CCSER1: variants seen among roughly 807,000 people sequenced by gnomAD.
CCSER1 encodes serine-rich coiled-coil domain-containing protein 1.
Under a neutral mutation model 82.0 loss-of-function variants are expected in CCSER1, and 41 were observed. The ratio of observed to expected loss-of-function variants is 0.50; its 90% confidence interval spans 0.39 to 0.65. CCSER1 has a LOEUF of 0.65. CCSER1 is among the 30% of genes least tolerant of loss of function. The pLI is 0.00. For missense variants in CCSER1, 1,119 were observed against 1,064.2 expected (o/e 1.05, Z -0.72); for synonymous variants, 414 against 383.9 (o/e 1.08, Z -0.92).
At chr4:91,196,154 T>A (rs1251957418) in intron 10 of CCSER1, among the ~76,000 whole-genome samples, 1 of 134,096 alleles carries the variant, frequency 7.5e-6, no homozygotes, top group Non-Finnish European at 1.5e-5. Flanking sequence ...TCCACAGCAG[T>A]CCGGCCTGGG....
intron 10 of CCSER1, among the ~76,000 whole-genome samples, chr4:91,435,568 C>T (rs555918390): frequency 1.6e-3 from 250 of 152,236 alleles, no homozygotes; most frequent in Non-Finnish European, 3.2e-3. Flanking sequence ...GAAAAGATTT[C>T]GGCACCATCT....
intron 3 of CCSER1, among the ~76,000 whole-genome samples, chr4:90,338,788 G>T (rs971634857): frequency 1.3e-5 from 2 of 152,160 alleles, no homozygotes; most frequent in African/African-American, 4.8e-5. Context: ...CTTTGTATAT[G>T]TTGTATTCTT....
chr4:90,916,457 C>A (rs62312312), intron 8 of CCSER1, among the ~76,000 whole-genome samples: 8,131 of 152,000 alleles, frequency 0.053, 321 homozygotes, highest in East Asian at 0.12. Context: ...AACTGGCTCG[C>A]CATATGGAGA....
intron 9 of CCSER1, among the ~76,000 whole-genome samples, chr4:90,955,774 C>T (rs1278212248): frequency 1.3e-5 from 2 of 152,234 alleles, no homozygotes; most frequent in East Asian, 1.9e-4. Context: ...GGTATTTGTA[C>T]TAGCTGTTTC....
Position 91,599,487 on chromosome 4 carries a change from T to C in CCSER1, c.*430T>C, listed in dbSNP as rs550850559. The C allele has an allele frequency of 2.6e-5, 4 of 152,398 alleles. No individual in the cohort carries two copies. The East Asian group carries it at 5.8e-4, about 22-fold the overall frequency. 9.4% of individuals were successfully genotyped at this position (152,398 alleles called of 1,614,324 possible). A position where few individuals can be genotyped will look rare whatever the true frequency, so the allele number is the denominator to read the frequency against. The stretch of plus-strand genomic sequence containing the variant: ...TAAAGGAATTATAAAGAATTTTAAA[T>C]TATATAATTAATAGAAGGAGGAAAA... On this transcript the variant is annotated 3_prime_UTR_variant, in exon 11 of 11. Coordinates refer to ENST00000509176, the MANE Select transcript of CCSER1 (RefSeq NM_001145065.2).
At chr4:91,558,771 C>T (rs895749912) in intron 10 of CCSER1, among the ~76,000 whole-genome samples, 1 of 151,506 alleles carries the variant, frequency 6.6e-6, no homozygotes. Context: ...GAAAGACTGG[C>T]CCCCATGGTT....
chr4:90,662,000 C>CTTTTTTTT lies in CCSER1; in HGVS notation c.1932+33777_1932+33784dup, dbSNP rs768964116. On this transcript the variant is annotated intron_variant, in intron 6 of 10. Coordinates refer to ENST00000509176, the MANE Select transcript of CCSER1 (RefSeq NM_001145065.2). ...TATACCACTCTTTGTTTCTTTCTTTCTTTTTTTTTTTTTTTTGAGACTTAG... is the reference window on the plus strand; with the variant it reads ...TATACCACTCTTTGTTTCTTTCTTTCTTTTTTTTTTTTTTTTTTTTTTTTGAGACTTAG... Among the ~76,000 whole-genome samples, 8 of 136,172 alleles carry CTTTTTTTT rather than the reference C, an allele frequency of 5.9e-5. 1 individual carries two copies. Among genetic ancestry groups the CTTTTTTTT allele is most frequent in the Admixed American group, 7.4e-5 (1 of 13,466 alleles). 89.3% of individuals were successfully genotyped at this position (136,172 alleles called of 152,430 possible).
intron 1 of CCSER1, among the ~76,000 whole-genome samples, chr4:90,173,532 G>A (rs1161733475): frequency 6.6e-6 from 1 of 151,840 alleles, no homozygotes; most frequent in South Asian, 2.1e-4. Context: ...TCCCAGATAA[G>A]TAGGAGCCTG....
rs959697965 is a variant in CCSER1 at position 90,830,177 on chromosome 4, G to A, written c.2094+14332G>A. On this transcript the variant is annotated intron_variant, in intron 8 of 10. Coordinates refer to ENST00000509176, the MANE Select transcript of CCSER1 (RefSeq NM_001145065.2). ...CCTGCTCCGCTCATGCTTAACTACA[G>A]CATAAAATGTTGAGAAGTATATGAA... Among the ~76,000 whole-genome samples, 8 of 152,256 alleles carry A rather than the reference G, an allele frequency of 5.3e-5. No homozygotes were observed. In the South Asian group the frequency reaches 1.5e-3, roughly 28 times the overall value.
intron 6 of CCSER1, among the ~76,000 whole-genome samples, chr4:90,717,138 G>A (rs763929817): frequency 2.0e-5 from 3 of 152,196 alleles, no homozygotes; most frequent in Admixed American, 6.6e-5. Flanking sequence ...TAAATAATGC[G>A]GCTTCTGTGC....
At chr4:90,528,454 A>T (rs934317877) in intron 5 of CCSER1, among the ~76,000 whole-genome samples, 1 of 152,272 alleles carries the variant, frequency 6.6e-6, no homozygotes. Flanking sequence ...AGAATTCTGG[A>T]CTTTGTGTTC....
At chr4:91,231,171 C>T (rs1046270342) in intron 10 of CCSER1, among the ~76,000 whole-genome samples, 2 of 151,832 alleles carry the variant, frequency 1.3e-5, no homozygotes, top group African/African-American at 4.8e-5. Context: ...GCATTAATCA[C>T]AATGGCATAC....
At chr4:90,324,696 T>C (rs550470595) in intron 3 of CCSER1, among the ~76,000 whole-genome samples, 1 of 152,278 alleles carries the variant, frequency 6.6e-6, no homozygotes, top group African/African-American at 2.4e-5. Flanking sequence ...TTGTCAATTT[T>C]GGCTTTTGTT....
chr4:90,496,067 T>G (rs971621475), intron 5 of CCSER1, among the ~76,000 whole-genome samples: 21 of 152,044 alleles, frequency 1.4e-4, no homozygotes, highest in African/African-American at 4.8e-4. Flanking sequence ...CATTACTTAT[T>G]TAATAGTGTA....
intron 10 of CCSER1, among the ~76,000 whole-genome samples, chr4:91,407,068 C>T (rs1163851192): frequency 6.6e-6 from 1 of 152,144 alleles, no homozygotes; most frequent in Non-Finnish European, 1.5e-5. Flanking sequence ...TCTTGCTTTG[C>T]TGCACACCTA....
chr4:91,014,981 T>C (rs529744007), intron 9 of CCSER1, among the ~76,000 whole-genome samples: 1 of 115,934 alleles, frequency 8.6e-6, no homozygotes, highest in Admixed American at 8.1e-5. Context: ...CTCTTCAAAA[T>C]TGTTTTTTTT....
At chr4:90,308,145 A>G in intron 1 of CCSER1, 99 bp from the exon 2 acceptor site, 2 of 930,908 alleles carry the variant, frequency 2.1e-6, no homozygotes, top group Non-Finnish European at 3.0e-6. Flanking sequence ...GTATAAACTA[A>G]ATTCTATTTT....
intron 10 of CCSER1, among the ~76,000 whole-genome samples, chr4:91,291,754 T>C (rs1743767550): frequency 6.6e-6 from 1 of 152,052 alleles, no homozygotes; most frequent in African/African-American, 2.4e-5. Flanking sequence ...CAATTTGCCA[T>C]GGGATTTGGC....
At chr4:90,878,038 T>A (rs1256396239) in intron 8 of CCSER1, among the ~76,000 whole-genome samples, 1 of 152,168 alleles carries the variant, frequency 6.6e-6, no homozygotes, top group African/African-American at 2.4e-5. Context: ...AGTTGCTGGC[T>A]TTTTGTGTTC....
Sources: allele counts gnomAD v4.1 joint callset (sites outside exome capture counted in the v4.1 genomes callset), GRCh38; gene constraint gnomAD v4.1.1; transcripts MANE v1.5; gene names NCBI Gene and HGNC (gene_info 2026-07-23, HGNC 2026-07-21).